The following ADGRA3 variants were observed in gnomAD, a reference collection of about 807,000 sequenced individuals.
ADGRA3 encodes the protein G-protein coupled receptor 125.
Under a neutral mutation model 119.8 loss-of-function variants are expected in ADGRA3, and 56 were observed. The ratio of observed to expected loss-of-function variants is 0.47; its 90% CI spans 0.38 to 0.58. The LOEUF (loss-of-function observed/expected upper bound fraction) is 0.58. ADGRA3 is among the 20% of genes least tolerant of loss of function. The pLI, the probability that ADGRA3 is intolerant of heterozygous loss-of-function variation, is 0.00. For missense variants in ADGRA3, 1,516 were observed against 1,649.0 expected, an observed-to-expected ratio of 0.92 and a Z score of 1.40; for synonymous variants, 607 against 623.8, an observed-to-expected ratio of 0.97 and a Z score of 0.40.
At chr4:22,508,748 T>C (rs1488874671) in intron 1 of ADGRA3, among the ~76,000 whole-genome samples, 4 of 152,032 alleles carry the variant, frequency 2.6e-5, no homozygotes, top group East Asian at 1.9e-4. Flanking sequence ...AGAAAAACAA[T>C]TGCACTGACC....
At chr4:22,479,394 C>T (rs1553880277) in intron 1 of ADGRA3, among the ~76,000 whole-genome samples, 2 of 151,008 alleles carry the variant, frequency 1.3e-5, no homozygotes, top group East Asian at 2.0e-4. Flanking sequence ...ACCCGGGAGG[C>T]GGAGCTTGCA....
intron 12 of ADGRA3, among the ~76,000 whole-genome samples, chr4:22,418,472 G>A (rs895867538): frequency 6.6e-6 from 1 of 152,150 alleles, no homozygotes; most frequent in African/African-American, 2.4e-5. Context: ...GGAAGGGAGG[G>A]GAGGAGTAGG....
chr4:22,481,486 A>G (rs1178353409), intron 1 of ADGRA3, among the ~76,000 whole-genome samples: 1 of 152,172 alleles, frequency 6.6e-6, no homozygotes, highest in East Asian at 1.9e-4. Flanking sequence ...TCAGAACAAT[A>G]CCTCATGACA....
chr4:22,448,414 T>C (rs1193739143), intron 4 of ADGRA3, among the ~76,000 whole-genome samples: 4 of 152,168 alleles, frequency 2.6e-5, no homozygotes, highest in Non-Finnish European at 5.9e-5. Context: ...ATGCCTGTTA[T>C]GGTATCAAGA....
intron 1 of ADGRA3, among the ~76,000 whole-genome samples, chr4:22,510,955 T>C (rs1719429002): frequency 6.6e-6 from 1 of 152,212 alleles, no homozygotes; most frequent in South Asian, 2.1e-4. Context: ...AATACGAGCA[T>C]TTCTTTTCTT....
chr4:22,433,727 T>C (rs1157251923), intron 10 of ADGRA3, among the ~76,000 whole-genome samples: 1 of 152,168 alleles, frequency 6.6e-6, no homozygotes, highest in African/African-American at 2.4e-5. Context: ...TTCTAGTAAC[T>C]AGAAACATCC....
intron 1 of ADGRA3, among the ~76,000 whole-genome samples, chr4:22,508,236 T>A (rs1719314156): frequency 1.3e-5 from 2 of 152,146 alleles, no homozygotes; most frequent in African/African-American, 4.8e-5. Context: ...GCCAGAACAG[T>A]GAAGAGTTCG....
chr4:22,470,043 G>A (rs1018584241), intron 2 of ADGRA3, among the ~76,000 whole-genome samples: 1 of 152,078 alleles, frequency 6.6e-6, no homozygotes, highest in Non-Finnish European at 1.5e-5. Flanking sequence ...CACCTTAAAT[G>A]TTTGTTGAAT....
chr4:22,406,416 T>A (rs368298017), intron 14 of ADGRA3, among the ~76,000 whole-genome samples: 1 of 152,228 alleles, frequency 6.6e-6, no homozygotes, highest in African/African-American at 2.4e-5. Flanking sequence ...TCTATAATTA[T>A]TGTACTAATT....
At chr4:22,413,092 C>A (rs372272654) in intron 14 of ADGRA3, 90 bp downstream of exon 14, 62,850 of 890,692 alleles carry the variant, frequency 0.071, 3,143 homozygotes, top group African/African-American at 0.17. Context: ...AAAAAAAAAA[C>A]AAAAAACAAA....
intron 1 of ADGRA3, among the ~76,000 whole-genome samples, chr4:22,475,491 G>T (rs1249021694): frequency 6.6e-6 from 1 of 152,186 alleles, no homozygotes; most frequent in African/African-American, 2.4e-5. Context: ...ACTTTGGGAG[G>T]CCGAGGCGGG....
Position 22,424,270 on chromosome 4 carries a change from T to A in ADGRA3, c.1526A>T (p.Lys509Ile), listed in dbSNP as rs138525539. 3.3e-4 allele frequency: 540 copies of A among 1,613,808 alleles called. 1 individual carries two copies. In the African/African-American group the frequency reaches 6.2e-3, roughly 18 times the overall value. ...ACACTGCACAATCCTACTGCAGGCT[T>A]TAGCTTCCCTCTGCGCCAGCCACAG... The part of the protein sequence containing the change: ...RVLWLAQREA[K>I]ACSRIVQCLQ... The change falls in exon 11 of 19, where the codon AAA (lysine) becomes ATA (isoleucine). Residue 509 changes from lysine (K) to isoleucine (I), a missense_variant. Lys to Ile is a moderately radical substitution (Grantham distance 102, BLOSUM62 -3). Around this residue, in one of 2 missense-constraint regions of ADGRA3, gnomAD observed 1,088 missense variants for 1,107.1 expected, o/e 0.98. Transcript: ENST00000334304.
chr4:22,421,203 G>T, intron 11 of ADGRA3, 114 bp from the exon 12 acceptor site: 1 of 710,990 alleles, frequency 1.4e-6, no homozygotes, highest in Non-Finnish European at 2.3e-6. Context: ...GAAAGCCCAG[G>T]TTCTTCCTAA....
chr4:22,451,279 A>G (rs1167743420), intron 4 of ADGRA3, among the ~76,000 whole-genome samples: 1 of 152,136 alleles, frequency 6.6e-6, no homozygotes, highest in Admixed American at 6.6e-5. Flanking sequence ...ATAAAGAACA[A>G]TTTGAAAAAA....
At chr4:22,392,799 C>G in intron 16 of ADGRA3, 109 bp from the exon 17 acceptor site, 2 of 941,642 alleles carry the variant, frequency 2.1e-6, no homozygotes, top group South Asian at 3.6e-5. Context: ...GCAGGAAGGC[C>G]TATCCTAATA....
intron 8 of ADGRA3, 81 bp downstream of exon 8, chr4:22,438,175 C>T (rs558968870): frequency 2.5e-4 from 297 of 1,200,486 alleles, no homozygotes; most frequent in Non-Finnish European, 3.3e-4. Flanking sequence ...TTACTCAGGA[C>T]AGGAAACCAA....
At chr4:22,505,931 T>C (rs1719220281) in intron 1 of ADGRA3, among the ~76,000 whole-genome samples, 1 of 152,120 alleles carries the variant, frequency 6.6e-6, no homozygotes, top group Non-Finnish European at 1.5e-5. Flanking sequence ...GCACTGAATA[T>C]TTGCTAAATG....
At chr4:22,448,599 G>A (rs1716912079) in intron 4 of ADGRA3, among the ~76,000 whole-genome samples, 1 of 152,152 alleles carries the variant, frequency 6.6e-6, no homozygotes, top group African/African-American at 2.4e-5. Context: ...TTTCCAAGTG[G>A]AGTTGGAGAA....
At chr4:22,467,355 C>A (rs1047724162) in intron 2 of ADGRA3, among the ~76,000 whole-genome samples, 2 of 152,168 alleles carry the variant, frequency 1.3e-5, no homozygotes, top group Admixed American at 6.5e-5. Context: ...CCCTGCAACT[C>A]CCCAACTGAC....
Sources: gnomAD v4.1 joint callset for allele counts (sites outside exome capture counted in the v4.1 genomes callset) on GRCh38, gnomAD v4.1.1 for gene constraint, gnomAD v4.1.1 regional missense constraint, MANE v1.5 for transcripts, NCBI Gene and HGNC (gene_info 2026-07-23, HGNC 2026-07-21) for gene names.